CAMK1D: variants seen among roughly 807,000 people sequenced by gnomAD.
The protein encoded by CAMK1D is calcium/calmodulin-dependent protein kinase type 1D.
A neutral mutation model predicts 47.7 loss-of-function variants in CAMK1D; 9 were observed. That is an observed-to-expected ratio of 0.19 (90% CI 0.11 to 0.33). The LOEUF is 0.33. Ranked by LOEUF, CAMK1D falls within the 10% of genes least tolerant of loss-of-function variation. The probability of loss-of-function intolerance (pLI) is 1.00; values close to 1 mark genes in which losing one functional copy is unlikely to be tolerated. For synonymous variants in CAMK1D, 184 were observed against 184.9 expected (o/e 0.99, Z 0.04); for missense variants, 291 against 488.7 (o/e 0.60, Z 3.81).
chr10:12,723,209 A>G (rs1236723715), intron 3 of CAMK1D, among the ~76,000 whole-genome samples: 3 of 152,186 alleles, frequency 2.0e-5, no homozygotes, highest in African/African-American at 4.8e-5. Context: ...GGAAGGAGGC[A>G]GGCTGCAGTT....
intron 2 of CAMK1D, among the ~76,000 whole-genome samples, chr10:12,584,041 G>A (rs1837742627): frequency 6.6e-6 from 1 of 152,118 alleles, no homozygotes; most frequent in Non-Finnish European, 1.5e-5. Context: ...TCTTCACCCT[G>A]GGAGCACCTA....
chr10:12,780,126 T>C (rs1837429084), intron 5 of CAMK1D, among the ~76,000 whole-genome samples: 1 of 151,916 alleles, frequency 6.6e-6, no homozygotes, highest in Non-Finnish European at 1.5e-5. Flanking sequence ...TTTCACTGAG[T>C]TAGAGGATTG....
At chr10:12,611,588 C>CTTTTT (rs71386105) in intron 2 of CAMK1D, among the ~76,000 whole-genome samples, 1,695 of 59,890 alleles carry the variant, frequency 0.028, 247 homozygotes, top group Middle Eastern at 0.093. Context: ...TTCAGAATGC[C>CTTTTT]TTTTTTTTTT....
At chr10:12,373,803 G>GGT (rs1158171168) in intron 1 of CAMK1D, among the ~76,000 whole-genome samples, 1 of 149,406 alleles carries the variant, frequency 6.7e-6, no homozygotes, top group African/African-American at 2.5e-5. Flanking sequence ...GTCCAGATGC[G>GGT]GTGGCTCACG....
At chr10:12,656,982 T>G (rs1358364481) in intron 2 of CAMK1D, among the ~76,000 whole-genome samples, 1 of 152,234 alleles carries the variant, frequency 6.6e-6, no homozygotes, top group Non-Finnish European at 1.5e-5. Flanking sequence ...GTCTTGCAGT[T>G]AGATGTATCA....
chr10:12,536,128 A>AT lies in CAMK1D; in HGVS notation c.93-17097_93-17096insT, dbSNP rs575459584. ...TTTTTGAAAATCATGAAAGATTTCA[A>AT]ATTTACCCAAAAGTGTAGAAAAATA... is the stretch of plus-strand genomic sequence containing the variant. On this transcript the variant is annotated intron_variant, in intron 1 of 10. Transcript: ENST00000619168. Among the ~76,000 whole-genome samples the AT allele has an allele frequency of 2.4e-3, 369 of 152,134 alleles. 1 individual carries two copies. Among genetic ancestry groups the AT allele is most frequent in the Middle Eastern group, 0.02 (6 of 294 alleles).
intron 3 of CAMK1D, among the ~76,000 whole-genome samples, chr10:12,746,774 C>T (rs939649401): frequency 2.0e-5 from 3 of 152,172 alleles, no homozygotes; most frequent in African/African-American, 4.8e-5. Context: ...AGGTGAGCCA[C>T]GCCACAGCTG....
intron 1 of CAMK1D, among the ~76,000 whole-genome samples, chr10:12,390,474 G>C (rs955140421): frequency 2.0e-5 from 3 of 152,150 alleles, no homozygotes; most frequent in African/African-American, 7.2e-5. Context: ...CTTTATCTCT[G>C]TCACTATATC....
At chr10:12,748,103 A>G (rs1835768449) in intron 3 of CAMK1D, among the ~76,000 whole-genome samples, 1 of 152,230 alleles carries the variant, frequency 6.6e-6, no homozygotes, top group South Asian at 2.1e-4. Flanking sequence ...CTAAGAAGCC[A>G]TTCCAGAATC....
rs1165214585 is a variant in CAMK1D at position 12,381,680 on chromosome 10, G to A, written c.92+31770G>A. 2.0e-5 allele frequency among the ~76,000 whole-genome samples: 3 copies of A among 152,306 alleles called. No individual in the cohort carries two copies. In the East Asian group the frequency reaches 5.8e-4, roughly 29 times the overall value. ...CAAGCTGCTGAGAATTGACGATACA[G>A]TCTGAGTTCTCTGACGGTTGTGGCG... On this transcript the variant is annotated intron_variant, in intron 1 of 10. Transcript: ENST00000619168.
intron 2 of CAMK1D, among the ~76,000 whole-genome samples, chr10:12,628,522 T>C (rs1027874890): frequency 2.0e-5 from 3 of 152,080 alleles, no homozygotes; most frequent in Non-Finnish European, 2.9e-5. Flanking sequence ...ATTTGCCCTA[T>C]TATTAACATC....
chr10:12,543,555 T>G (rs1169089700), intron 1 of CAMK1D, among the ~76,000 whole-genome samples: 1 of 152,170 alleles, frequency 6.6e-6, no homozygotes, highest in Non-Finnish European at 1.5e-5. Context: ...GGAGTTAAGA[T>G]GCTCAGAATG....
At chr10:12,544,468 T>C (rs749544683) in intron 1 of CAMK1D, among the ~76,000 whole-genome samples, 4 of 152,204 alleles carry the variant, frequency 2.6e-5, no homozygotes, top group Non-Finnish European at 5.9e-5. Context: ...ATATCATAAA[T>C]TAACAAATTT....
intron 1 of CAMK1D, among the ~76,000 whole-genome samples, chr10:12,446,440 A>G (rs1318150273): frequency 6.6e-6 from 1 of 152,172 alleles, no homozygotes; most frequent in African/African-American, 2.4e-5. Flanking sequence ...TCTCGTCGCC[A>G]TCTTGGTTTT....
chr10:12,574,468 ATTTTTTT>A lies in CAMK1D; in HGVS notation c.224+21135_224+21141del, dbSNP rs1171556305. 1.8e-3 allele frequency among the ~76,000 whole-genome samples: 109 copies of A among 61,378 alleles called. 1 individual carries two copies. The highest frequency in any genetic ancestry group is 4.9e-3 in the African/African-American group (66 of 13,606). The allele number at this position is 61,378 out of a possible 152,430, so 40.3% of individuals were successfully genotyped here. On this transcript the variant is annotated intron_variant, in intron 2 of 10. Transcript: ENST00000619168. ...AGGTGCACACCACCACGCCTAGCTA[ATTTTTTT>A]TTTTTTTTTTTTTTTTTTTTTTAGT...
At position 12,364,237 on chromosome 10, in the gene CAMK1D, C is replaced by CT. The variant is rs35224750; in HGVS notation, c.92+14349dup. ...GTCTCTTGACTCCAATGCGCATTCT[C>CT]TTTTTTTTTTTTTTTTTTTTTTGAG... is the stretch of plus-strand genomic sequence containing the variant. On this transcript the variant is annotated intron_variant, in intron 1 of 10. Coordinates refer to ENST00000619168, the MANE Select transcript of CAMK1D (RefSeq NM_153498.4). 8.9e-3 allele frequency among the ~76,000 whole-genome samples: 583 copies of CT among 65,170 alleles called. 10 individuals are homozygous for CT. The highest frequency in any genetic ancestry group is 9.5e-3 in the Non-Finnish European group (320 of 33,832). The allele number at this position is 65,170 out of a possible 152,430, so 42.8% of individuals were successfully genotyped here.
chr10:12,627,334 C>T (rs537506600), intron 2 of CAMK1D, among the ~76,000 whole-genome samples: 48 of 152,128 alleles, frequency 3.2e-4, no homozygotes, highest in Non-Finnish European at 1.5e-4. Flanking sequence ...ATCTGCCCGC[C>T]TCTGCCTCCC....
At chr10:12,393,725 G>T (rs1032851427) in intron 1 of CAMK1D, among the ~76,000 whole-genome samples, 1 of 152,210 alleles carries the variant, frequency 6.6e-6, no homozygotes, top group Non-Finnish European at 1.5e-5. Flanking sequence ...CAAACTTGAG[G>T]CATGGGGAAG....
intron 3 of CAMK1D, among the ~76,000 whole-genome samples, chr10:12,741,636 TC>T (rs1269074649): frequency 4.6e-4 from 1 of 2,156 alleles, no homozygotes; most frequent in African/African-American, 5.0e-4. Context: ...GTCAGGAGCC[TC>T]TTGTCTTAGG....
Sources: gnomAD v4.1 joint callset for allele counts (sites outside exome capture counted in the v4.1 genomes callset) on GRCh38, gnomAD v4.1.1 for gene constraint, MANE v1.5 for transcripts, NCBI Gene and HGNC (gene_info 2026-07-23, HGNC 2026-07-21) for gene names.